The following UBTD1 variants were observed in gnomAD, a reference collection of about 807,000 sequenced individuals.
UBTD1 encodes the protein ubiquitin domain-containing protein 1.
In UBTD1, 19 loss-of-function variants were observed where a neutral mutation model predicts 21.7. That is an observed-to-expected ratio of 0.87 (90% CI 0.61 to 1.28). UBTD1 has a LOEUF of 1.28. Ranked by LOEUF, UBTD1 falls within the 50% of genes most tolerant of loss-of-function variation. The pLI, the probability that UBTD1 is intolerant of heterozygous loss-of-function variation, is 0.00. For synonymous variants in UBTD1, 116 were observed against 135.1 expected (o/e 0.86, Z 0.98); for missense variants, 282 against 315.1 (o/e 0.89, Z 0.80).
chr10:97,528,082 T>G (rs7893594), intron 1 of UBTD1, among the ~76,000 whole-genome samples: 6 of 117,412 alleles, frequency 5.1e-5, no homozygotes, highest in Admixed American at 7.9e-5. Flanking sequence ...GGGGGCTGAC[T>G]CCCCCACCTC....
intron 1 of UBTD1, among the ~76,000 whole-genome samples, chr10:97,534,906 C>T (rs879889525): frequency 5.9e-5 from 9 of 152,330 alleles, no homozygotes; most frequent in Admixed American, 5.2e-4. Context: ...CGCCTCCCCA[C>T]CAAGCGGCAC....
intron 1 of UBTD1, among the ~76,000 whole-genome samples, chr10:97,562,911 G>A (rs536742721): frequency 2.0e-5 from 3 of 152,244 alleles, no homozygotes; most frequent in Non-Finnish European, 2.9e-5. Flanking sequence ...TTGGGGCAGC[G>A]AAAATTTTGG....
chr10:97,540,894 C>T (rs1564740997), intron 1 of UBTD1, among the ~76,000 whole-genome samples: 1 of 152,194 alleles, frequency 6.6e-6, no homozygotes, highest in South Asian at 2.1e-4. Context: ...GCTGTGTGGG[C>T]GGCAGGGTAG....
chr10:97,561,152 C>T (rs1189729263), intron 1 of UBTD1, among the ~76,000 whole-genome samples: 2 of 152,098 alleles, frequency 1.3e-5, no homozygotes, highest in African/African-American at 4.8e-5. Context: ...ACGTGCTGCT[C>T]TGGTGAGGCG....
At chr10:97,569,265 A>G (rs1377413381) in intron 2 of UBTD1, among the ~76,000 whole-genome samples, 1 of 152,232 alleles carries the variant, frequency 6.6e-6, no homozygotes, top group African/African-American at 2.4e-5. Context: ...ACATAACATC[A>G]TTTAGTCCAG....
chr10:97,501,714 G>A (rs544931343), intron 1 of UBTD1, among the ~76,000 whole-genome samples: 19 of 152,274 alleles, frequency 1.2e-4, no homozygotes, highest in African/African-American at 3.6e-4. Flanking sequence ...TTTAAGTCCT[G>A]ATTTCTTTCC....
intron 1 of UBTD1, among the ~76,000 whole-genome samples, chr10:97,514,303 C>T (rs980068791): frequency 6.6e-6 from 1 of 152,104 alleles, no homozygotes; most frequent in Non-Finnish European, 1.5e-5. Context: ...GCCCCAGGGG[C>T]TCAGAGAAAT....
chr10:97,533,441 A>G (rs11189267), intron 1 of UBTD1, among the ~76,000 whole-genome samples: 42,150 of 152,146 alleles, frequency 0.28, 6,648 homozygotes, highest in East Asian at 0.57. Context: ...TTTCAGCACC[A>G]TGGAAGGCCG....
At chr10:97,505,952 A>G (rs148316133) in intron 1 of UBTD1, among the ~76,000 whole-genome samples, 15 of 152,348 alleles carry the variant, frequency 9.8e-5, no homozygotes, top group South Asian at 2.1e-4. Flanking sequence ...TTGGATGGGA[A>G]TCTTTCTGAA....
intron 1 of UBTD1, among the ~76,000 whole-genome samples, chr10:97,563,621 TC>T (rs1342129700): frequency 1.3e-5 from 2 of 152,078 alleles, no homozygotes; most frequent in African/African-American, 4.8e-5. Context: ...ATCTATCCAC[TC>T]CAAGAGGGAG....
chr10:97,534,231 G>A (rs1032950144), intron 1 of UBTD1, among the ~76,000 whole-genome samples: 22 of 152,190 alleles, frequency 1.4e-4, no homozygotes, highest in African/African-American at 5.1e-4. Context: ...CTCCCATGTG[G>A]TCCACTCGCT....
At chr10:97,556,291 A>G (rs749253242) in intron 1 of UBTD1, among the ~76,000 whole-genome samples, 1 of 151,274 alleles carries the variant, frequency 6.6e-6, no homozygotes, top group Non-Finnish European at 1.5e-5. Context: ...TATATCCTCA[A>G]CTACTTGCCT....
At position 97,533,581 on chromosome 10, in the gene UBTD1, C is replaced by T. The variant is rs142661124; in HGVS notation, c.70+34308C>T. Among the ~76,000 whole-genome samples the T allele has an allele frequency of 7.9e-5, 12 of 152,256 alleles. No individual in the cohort carries two copies. The East Asian group carries it at 1.9e-3, about 25-fold the overall frequency. ...TGCCCTCCCTCTTCGCAGCATCCCC[C>T]TTTGCCCCCCACCTCCACCAAGTCT... is the stretch of plus-strand genomic sequence containing the variant. On this transcript the variant is annotated intron_variant, in intron 1 of 2. Coordinates refer to ENST00000370664, the MANE Select transcript of UBTD1 (RefSeq NM_024954.5).
At chr10:97,541,729 T>A (rs1361136194) in intron 1 of UBTD1, among the ~76,000 whole-genome samples, 1 of 112,932 alleles carries the variant, frequency 8.9e-6, no homozygotes, top group Admixed American at 8.3e-5. Context: ...TCCTCTCTGA[T>A]TTTTTTTTTT....
intron 1 of UBTD1, among the ~76,000 whole-genome samples, chr10:97,558,819 A>G (rs2040677438): frequency 6.6e-6 from 1 of 152,182 alleles, no homozygotes; most frequent in Non-Finnish European, 1.5e-5. Flanking sequence ...TTGCATCTAA[A>G]TAGATGTGAG....
chr10:97,566,727 A>G (rs1466411978), intron 1 of UBTD1, among the ~76,000 whole-genome samples: 1 of 152,156 alleles, frequency 6.6e-6, no homozygotes, highest in Non-Finnish European at 1.5e-5. Context: ...AGCCAGTGGG[A>G]GCAGCCTGGT....
At chr10:97,560,166 A>G (rs1018246727) in intron 1 of UBTD1, among the ~76,000 whole-genome samples, 4 of 152,136 alleles carry the variant, frequency 2.6e-5, no homozygotes, top group Non-Finnish European at 5.9e-5. Flanking sequence ...AATTTATTTC[A>G]GGACAAGAAT....
chr10:97,558,557 A>T (rs1171674975), intron 1 of UBTD1, among the ~76,000 whole-genome samples: 9 of 152,010 alleles, frequency 5.9e-5, no homozygotes, highest in Non-Finnish European at 2.9e-5. Context: ...TTAAAACTCC[A>T]ACTGCCATTT....
At chr10:97,529,757 G>A (rs1033426976) in intron 1 of UBTD1, among the ~76,000 whole-genome samples, 1 of 151,504 alleles carries the variant, frequency 6.6e-6, no homozygotes, top group African/African-American at 2.4e-5. Flanking sequence ...GAGGGAGACC[G>A]TGGGGAGAGG....
Sources: allele counts gnomAD v4.1 joint callset (sites outside exome capture counted in the v4.1 genomes callset), GRCh38; gene constraint gnomAD v4.1.1; transcripts MANE v1.5; gene names NCBI Gene and HGNC (gene_info 2026-07-23, HGNC 2026-07-21).